PIK3C2G: variants seen among roughly 807,000 people sequenced by gnomAD.
PIK3C2G encodes the protein phosphatidylinositol 3-kinase C2 domain-containing subunit gamma.
A neutral mutation model predicts 181.1 loss-of-function variants in PIK3C2G; 168 were observed. That is an observed-to-expected ratio of 0.93 (90% CI 0.82 to 1.05). The LOEUF (loss-of-function observed/expected upper bound fraction) is 1.05. Among genes scored for constraint, PIK3C2G ranks in the 50% least tolerant of loss-of-function variants. The probability of loss-of-function intolerance (pLI) is 0.00; values close to 1 mark genes in which losing one functional copy is unlikely to be tolerated. For missense variants in PIK3C2G, 1,869 were observed against 1,732.8 expected, an observed-to-expected ratio of 1.08 and a Z score of -1.40; for synonymous variants, 573 against 592.2, an observed-to-expected ratio of 0.97 and a Z score of 0.47.
At chr12:18,493,967 G>T (rs990488212) in intron 20 of PIK3C2G, among the ~76,000 whole-genome samples, 1 of 152,146 alleles carries the variant, frequency 6.6e-6, no homozygotes, top group Non-Finnish European at 1.5e-5. Context: ...GGGAGGAACT[G>T]AATGCAATTC....
chr12:18,709,231 T>C, the PIK3C2G span, among the ~76,000 whole-genome samples: 1 of 141,244 alleles, frequency 7.1e-6, no homozygotes, highest in Non-Finnish European at 1.5e-5. Context: ...TTCTTTAGCA[T>C]GTCGAAATTC....
the PIK3C2G span, among the ~76,000 whole-genome samples, chr12:18,681,946 G>A: frequency 6.3e-3 from 964 of 152,098 alleles, 9 homozygotes; most frequent in African/African-American, 0.022. Flanking sequence ...GATTAGGGAA[G>A]GGTAAAGCGT....
At chr12:18,529,299 C>G (rs1398941042) in intron 24 of PIK3C2G, among the ~76,000 whole-genome samples, 1 of 152,070 alleles carries the variant, frequency 6.6e-6, no homozygotes, top group African/African-American at 2.4e-5. Context: ...GGCATTTTCT[C>G]TTTGAGTGAA....
intron 13 of PIK3C2G, among the ~76,000 whole-genome samples, chr12:18,380,814 A>T (rs1365925659): frequency 6.6e-6 from 1 of 152,220 alleles, no homozygotes; most frequent in Non-Finnish European, 1.5e-5. Flanking sequence ...GGTCTAAAGA[A>T]AGCTTTATTT....
chr12:18,647,389 C>A (rs748760850), intron 32 of PIK3C2G, among the ~76,000 whole-genome samples: 1 of 151,650 alleles, frequency 6.6e-6, no homozygotes, highest in Non-Finnish European at 1.5e-5. Context: ...GAAGCCCAAA[C>A]CACAGCATCA....
intron 12 of PIK3C2G, among the ~76,000 whole-genome samples, chr12:18,364,907 A>AAAACCATT (rs1941529686): frequency 6.6e-6 from 1 of 152,098 alleles, no homozygotes; most frequent in Admixed American, 6.5e-5. Context: ...ACAAACAAAC[A>AAAACCATT]AACAAAACCA....
At position 18,332,312 on chromosome 12, in the gene PIK3C2G, C is replaced by A. The variant is rs138392938; in HGVS notation, c.1273-6114C>A. ...CACTGTTGTCACTCTCCCAGCGGTA[C>A]TCCACCCTTGCTTATTTATTACTCA... On this transcript the variant is annotated intron_variant, in intron 8 of 32. Coordinates refer to ENST00000538779, the MANE Select transcript of PIK3C2G (RefSeq NM_001288772.2). Among the ~76,000 whole-genome samples, 414 of 152,228 alleles carry A rather than the reference C, an allele frequency of 2.7e-3. 3 individuals carry two copies. The highest frequency in any genetic ancestry group is 9.7e-3 in the African/African-American group (403 of 41,538).
the PIK3C2G span, among the ~76,000 whole-genome samples, chr12:18,682,005 T>C: frequency 6.6e-6 from 1 of 152,048 alleles, no homozygotes; most frequent in South Asian, 2.1e-4. Context: ...GAACAGTAGA[T>C]GATTTAAATA....
chr12:18,407,550 T>G (rs1399252701), intron 16 of PIK3C2G, among the ~76,000 whole-genome samples: 1 of 152,106 alleles, frequency 6.6e-6, no homozygotes, highest in East Asian at 1.9e-4. Flanking sequence ...AGAAACATGA[T>G]CTTTATTCAT....
chr12:18,716,168 T>C, the PIK3C2G span, among the ~76,000 whole-genome samples: 1 of 152,106 alleles, frequency 6.6e-6, no homozygotes, highest in African/African-American at 2.4e-5. Flanking sequence ...TGACGGTAAA[T>C]TGTCTTGCCT....
intron 11 of PIK3C2G, among the ~76,000 whole-genome samples, chr12:18,354,411 G>A (rs1231225231): frequency 6.6e-6 from 1 of 152,176 alleles, no homozygotes; most frequent in Non-Finnish European, 1.5e-5. Flanking sequence ...CCCTGTGGGA[G>A]GTGTCTCTGG....
At chr12:18,604,894 G>C (rs1415247522) in intron 30 of PIK3C2G, among the ~76,000 whole-genome samples, 3 of 152,068 alleles carry the variant, frequency 2.0e-5, no homozygotes, top group African/African-American at 7.2e-5. Flanking sequence ...ATACAGCTAA[G>C]GCTGTGCTAA....
At chr12:18,441,472 G>C (rs1165248775) in intron 18 of PIK3C2G, among the ~76,000 whole-genome samples, 2 of 152,102 alleles carry the variant, frequency 1.3e-5, no homozygotes, top group Non-Finnish European at 2.9e-5. Flanking sequence ...GGGCAACATT[G>C]ATGAGACGGA....
intron 15 of PIK3C2G, among the ~76,000 whole-genome samples, chr12:18,396,142 T>C (rs1245719301): frequency 6.6e-6 from 1 of 151,658 alleles, no homozygotes; most frequent in Non-Finnish European, 1.5e-5. Flanking sequence ...TTTTATTCTG[T>C]TTACAGGAAC....
chr12:18,627,820 A>C (rs150328549), intron 31 of PIK3C2G, among the ~76,000 whole-genome samples: 2,036 of 152,326 alleles, frequency 0.013, 162 homozygotes, highest in Admixed American at 0.12. Context: ...TCAGGTTTTG[A>C]TAGTTCCATC....
intron 11 of PIK3C2G, among the ~76,000 whole-genome samples, chr12:18,349,720 T>TC (rs1940033444): frequency 3.9e-5 from 6 of 152,174 alleles, no homozygotes; most frequent in Non-Finnish European, 7.4e-5. Context: ...TTTATCGTTT[T>TC]GTGTATGTAT....
Position 18,362,798 on chromosome 12 carries a change from T to C in PIK3C2G, c.1660T>C (p.Tyr554His), listed in dbSNP as rs1414295471. ...KAFSFTCWLTYAGKKLCQVRN... is the reference protein window; with the variant it reads ...KAFSFTCWLTHAGKKLCQVRN... The stretch of plus-strand genomic sequence containing the variant: ...GTTTTCTTTTACCTGTTGGCTTACA[T>C]ATGCTGGAAAGAAGCTGTGCCAAGT... Residue 554 changes from tyrosine (Y) to histidine (H), a missense_variant, in exon 12 of 33, where the codon TAT (tyrosine) becomes CAT (histidine). By Grantham distance (83) the Tyr-to-His change is moderately conservative. Coordinates refer to ENST00000538779, the MANE Select transcript of PIK3C2G (RefSeq NM_001288772.2). 1.3e-6 allele frequency: 2 copies of C among 1,524,766 alleles called. No individual in the cohort carries two copies. Among genetic ancestry groups the C allele is most frequent in the Middle Eastern group, 1.7e-4 (1 of 5,844 alleles). The allele number at this position is 1,524,766 out of a possible 1,614,324, so 94.5% of individuals were successfully genotyped here.
chr12:18,676,017 A>C, the PIK3C2G span, among the ~76,000 whole-genome samples: 1 of 151,960 alleles, frequency 6.6e-6, no homozygotes, highest in Non-Finnish European at 1.5e-5. Flanking sequence ...ATTTAAAAAA[A>C]AACTTTTTGA....
At chr12:18,411,553 A>G (rs185326748) in intron 16 of PIK3C2G, among the ~76,000 whole-genome samples, 121 of 152,304 alleles carry the variant, frequency 7.9e-4, no homozygotes, top group African/African-American at 2.8e-3. Context: ...CATTTTTAGT[A>G]CTAGAAAAAT....
Sources: allele counts gnomAD v4.1 joint callset (sites outside exome capture counted in the v4.1 genomes callset), GRCh38; gene constraint gnomAD v4.1.1; transcripts MANE v1.5; gene names NCBI Gene and HGNC (gene_info 2026-07-23, HGNC 2026-07-21).